Variants in DNMBP observed in about 807,000 individuals in gnomAD.
DNMBP encodes dynamin-binding protein.
In DNMBP, 87 loss-of-function variants were observed where a neutral mutation model predicts 150.0. The observed-to-expected ratio is 0.58, with a 90% CI of 0.49 to 0.69. DNMBP has a LOEUF of 0.69. Ranked by LOEUF, DNMBP falls within the 30% of genes least tolerant of loss-of-function variation. DNMBP has a pLI of 0.00. For missense variants in DNMBP, 1,774 were observed against 1,949.0 expected (o/e 0.91, Z 1.69); for synonymous variants, 711 against 750.4 (o/e 0.95, Z 0.86).
intron 2 of DNMBP, 27 bp from the exon 3 acceptor site, chr10:99,969,264 T>A (rs762864278): frequency 3.7e-6 from 6 of 1,612,512 alleles, no homozygotes; most frequent in Non-Finnish European, 5.1e-6. Context: ...ACATATTAAA[T>A]TTTAATACTG....
chr10:99,933,703 G>A (rs986317898), intron 4 of DNMBP, among the ~76,000 whole-genome samples: 2 of 152,188 alleles, frequency 1.3e-5, no homozygotes, highest in African/African-American at 4.8e-5. Flanking sequence ...TGGCCTTAGG[G>A]CCAGAGGGGG....
At chr10:99,937,679 G>A (rs1589428568) in intron 4 of DNMBP, among the ~76,000 whole-genome samples, 1 of 152,300 alleles carries the variant, frequency 6.6e-6, no homozygotes, top group African/African-American at 2.4e-5. Flanking sequence ...TTTGTTTCCA[G>A]TCCTGGCCGA....
In DNMBP at chr10:99,969,595, C is replaced by A. The variant is rs370851877; in HGVS notation, c.146-358G>T. On this transcript the variant is annotated intron_variant, in intron 2 of 16. Coordinates refer to ENST00000324109, the MANE Select transcript of DNMBP (RefSeq NM_015221.4). ...TCAATCCTGAAATCTGGTATCATAA[C>A]GTAAGTACACAAATTGTTACGGAAG... 2.4e-4 allele frequency among the ~76,000 whole-genome samples: 37 copies of A among 152,242 alleles called. No homozygotes were observed. The South Asian group carries it at 7.0e-3, about 29-fold the overall frequency.
chr10:99,947,477 G>A (rs1398726048), intron 4 of DNMBP, among the ~76,000 whole-genome samples: 1 of 150,914 alleles, frequency 6.6e-6, no homozygotes, highest in Non-Finnish European at 1.5e-5. Flanking sequence ...ACCAAATATT[G>A]CATGTTTTCA....
rs1302652605 is a variant in DNMBP at position 99,908,999 on chromosome 10, A to G, written c.2408T>C (p.Leu803Pro). The G allele has an allele frequency of 6.2e-7, 1 of 1,614,194 alleles. No individual in the cohort carries two copies. The highest frequency in any genetic ancestry group is 2.2e-5 in the East Asian group (1 of 44,882). ...LQTERDYIRD[L>P]EMCIERIMVP... ...CATGATCCGCTCAATACACATTTCC[A>G]GATCCCGAATGTAGTCTCTTTCTGT... is the stretch of plus-strand genomic sequence containing the variant. Residue 803 changes from leucine to proline, a missense_variant, in exon 5 of 17, where the codon CTG becomes CCG. Physicochemically the swap from Leu to Pro is moderately conservative, Grantham distance 98 (BLOSUM62 -3). Transcript: ENST00000324109.
chr10:99,982,860 G>A (rs1007217171), intron 1 of DNMBP, among the ~76,000 whole-genome samples: 4 of 152,082 alleles, frequency 2.6e-5, no homozygotes, highest in Non-Finnish European at 5.9e-5. Context: ...GGGGGTATGG[G>A]GGAGCAGCTC....
At chr10:99,925,340 T>C (rs2040067231) in intron 4 of DNMBP, among the ~76,000 whole-genome samples, 1 of 152,130 alleles carries the variant, frequency 6.6e-6, no homozygotes, top group Non-Finnish European at 1.5e-5. Context: ...CTCTGAGCTC[T>C]ATCTCTTCAT....
chr10:99,902,784 C>G (rs940709449), intron 6 of DNMBP, among the ~76,000 whole-genome samples: 5 of 151,522 alleles, frequency 3.3e-5, no homozygotes, highest in African/African-American at 4.8e-5. Flanking sequence ...AAAAATTAGC[C>G]AGGCATGGTG....
At chr10:99,898,337 A>G in intron 8 of DNMBP, 52 bp from the exon 9 acceptor site, 1 of 1,496,478 alleles carries the variant, frequency 6.7e-7, no homozygotes, top group Non-Finnish European at 9.3e-7. Context: ...TATAGCGCCC[A>G]GCCTGGGAAC....
chr10:99,885,969 T>C, intron 13 of DNMBP, 103 bp from the exon 14 acceptor site: 1 of 1,133,932 alleles, frequency 8.8e-7, no homozygotes, highest in Non-Finnish European at 1.2e-6. Context: ...ATTGACAGTC[T>C]CCTTAGAACC....
At chr10:99,965,496 C>CT (rs35603478) in intron 3 of DNMBP, among the ~76,000 whole-genome samples, 39,596 of 134,358 alleles carry the variant, frequency 0.29, 6,247 homozygotes, top group Non-Finnish European at 0.32. Context: ...ATCTCACATA[C>CT]TTTTTTTTTT....
At chr10:99,993,525 G>C (rs1259073643) in intron 1 of DNMBP, among the ~76,000 whole-genome samples, 3 of 152,184 alleles carry the variant, frequency 2.0e-5, no homozygotes, top group African/African-American at 7.2e-5. Context: ...AGGCAGGCCA[G>C]GCATGTTGGC....
intron 4 of DNMBP, among the ~76,000 whole-genome samples, chr10:99,941,060 T>C (rs540402203): frequency 1.3e-5 from 2 of 152,096 alleles, no homozygotes; most frequent in African/African-American, 4.8e-5. Flanking sequence ...AATTTTTGTG[T>C]TTTTAGTAGT....
chr10:99,909,159 A>G lies in DNMBP; in HGVS notation c.2261-13T>C. The stretch of plus-strand genomic sequence containing the variant: ...AGGAGCGTCATTTCTAGAAGGGAAA[A>G]GAGAACTGGTTAGCAGCTCTGGGTG... On this transcript the variant is annotated splice_polypyrimidine_tract_variant and intron_variant, in intron 4 of 16. Coordinates refer to ENST00000324109, the MANE Select transcript of DNMBP (RefSeq NM_015221.4). The G allele has an allele frequency of 6.2e-7, 1 of 1,609,430 alleles. No homozygotes were observed. The highest frequency in any genetic ancestry group is 8.5e-7 in the Non-Finnish European group (1 of 1,177,800).
intron 2 of DNMBP, among the ~76,000 whole-genome samples, chr10:99,970,971 CAAAAAAAAAAAA>C (rs532226561): frequency 8.1e-4 from 27 of 33,194 alleles, no homozygotes; most frequent in South Asian, 5.9e-3. Context: ...GACTCCGTCT[CAAAAAAAAAAAA>C]AAAAAAAAAA....
intron 1 of DNMBP, among the ~76,000 whole-genome samples, chr10:99,975,661 A>T (rs2040720445): frequency 6.6e-6 from 1 of 152,160 alleles, no homozygotes; most frequent in Non-Finnish European, 1.5e-5. Flanking sequence ...AAAAAATCTA[A>T]TTATAATTAC....
intron 5 of DNMBP, 32 bp from the exon 6 acceptor site, chr10:99,908,126 C>A (rs778551397): frequency 1.4e-6 from 2 of 1,463,654 alleles, no homozygotes; most frequent in Non-Finnish European, 1.9e-6. Context: ...TAAAAATGCA[C>A]GGAAATGAGC....
chr10:99,902,575 G>C lies in DNMBP; in HGVS notation c.2555-2509C>G, dbSNP rs1404798409. On this transcript the variant is annotated intron_variant, in intron 6 of 16. Coordinates refer to ENST00000324109, the MANE Select transcript of DNMBP (RefSeq NM_015221.4). ...TCCGCCCGTCTCAGCCTCCCAAAGT[G>C]CTGGGATTACCGGTGTGAAACACCG... 2.7e-5 allele frequency among the ~76,000 whole-genome samples: 4 copies of C among 146,990 alleles called. No homozygotes were observed. In the East Asian group the frequency reaches 8.1e-4, roughly 30 times the overall value.
At chr10:100,007,616 G>T (rs966664279) in intron 1 of DNMBP, among the ~76,000 whole-genome samples, 13 of 152,124 alleles carry the variant, frequency 8.5e-5, no homozygotes, top group Non-Finnish European at 1.9e-4. Flanking sequence ...CAGAAGAAAA[G>T]ATCTAGAAAT....
Sources: gnomAD v4.1 joint callset for allele counts (sites outside exome capture counted in the v4.1 genomes callset) on GRCh38, gnomAD v4.1.1 for gene constraint, MANE v1.5 for transcripts, NCBI Gene and HGNC (gene_info 2026-07-23, HGNC 2026-07-21) for gene names.